The following ARHGAP22 variants were observed in gnomAD, a reference collection of about 807,000 sequenced individuals.
ARHGAP22 encodes rho GTPase-activating protein 22.
ARHGAP22 carries 48 observed loss-of-function variants against 59.1 expected under a neutral mutation model. The observed-to-expected ratio is 0.81, with a 90% confidence interval of 0.64 to 1.03. The LOEUF (loss-of-function observed/expected upper bound fraction) is 1.03, where lower values mean the gene tolerates loss of function less well. Ranked by LOEUF, ARHGAP22 falls within the 50% of genes least tolerant of loss-of-function variation. The probability of loss-of-function intolerance (pLI) is 0.00; values close to 1 mark genes in which losing one functional copy is unlikely to be tolerated. For missense variants in ARHGAP22, 1,015 were observed against 958.7 expected (o/e 1.06, Z -0.78); for synonymous variants, 445 against 416.4 (o/e 1.07, Z -0.84).
chr10:48,444,010 G>A (rs891291466), downstream of ARHGAP22: 6 of 152,054 alleles, frequency 3.9e-5, no homozygotes, highest in East Asian at 1.9e-4. Context: ...CAAGTTTTAC[G>A]ACACTGTTGA....
chr10:48,579,961 C>T (rs116276519), intron 2 of ARHGAP22, among the ~76,000 whole-genome samples: 1 of 152,170 alleles, frequency 6.6e-6, no homozygotes, highest in Non-Finnish European at 1.5e-5. Context: ...AATTGACCGA[C>T]AGTTGCCTTG....
chr10:48,554,577 A>G (rs938689134), intron 3 of ARHGAP22, among the ~76,000 whole-genome samples: 2 of 151,472 alleles, frequency 1.3e-5, no homozygotes, highest in African/African-American at 4.8e-5. Flanking sequence ...CTGTCCCTGA[A>G]GGCTGTCTCT....
chr10:48,552,054 GT>G (rs765520071), intron 3 of ARHGAP22, among the ~76,000 whole-genome samples: 4 of 152,238 alleles, frequency 2.6e-5, no homozygotes, highest in Non-Finnish European at 5.9e-5. Flanking sequence ...ACAGTATAAT[GT>G]TTCCTCATTT....
Position 48,450,922 on chromosome 10 carries a change from C to A in ARHGAP22, c.1207G>T (p.Val403Leu), listed in dbSNP as rs758236369. ...CCCGTGGGGGCTGTTCTGGAGAGCA[C>A]CGCCACGGCCGCCCCGTCCAGGGAA... ...TSSLDGAAVA[V>L]LSRTAPTGPG... is the part of the protein sequence containing the mutation. Residue 403 changes from valine (V) to leucine (L), a missense_variant, in exon 9 of 10, where the codon GTG becomes TTG. By Grantham distance (32) the Val-to-Leu change is conservative. Coordinates refer to ENST00000249601, the MANE Select transcript of ARHGAP22 (RefSeq NM_021226.4). The A allele has an allele frequency of 4.3e-5, 68 of 1,591,376 alleles. No individual in the cohort carries two copies. The highest frequency in any genetic ancestry group is 6.8e-6 in the Non-Finnish European group (8 of 1,170,128).
chr10:48,561,895 C>T (rs2135396187), intron 2 of ARHGAP22, among the ~76,000 whole-genome samples: 1 of 152,302 alleles, frequency 6.6e-6, no homozygotes, highest in South Asian at 2.1e-4. Context: ...TGTTAAACGA[C>T]AATCACTTTG....
chr10:48,545,322 T>C (rs999654750), intron 3 of ARHGAP22, among the ~76,000 whole-genome samples: 3 of 152,176 alleles, frequency 2.0e-5, no homozygotes, highest in Non-Finnish European at 4.4e-5. Context: ...GGGGACTCTT[T>C]CCAGGGAGCC....
chr10:48,583,247 G>A lies in ARHGAP22; in HGVS notation c.35-95C>T, dbSNP rs954278486. On this transcript the variant is annotated intron_variant, in intron 1 of 9. Transcript: ENST00000249601. The stretch of plus-strand genomic sequence containing the variant: ...GTGTCCCAGCTGCCTCGTGACTGAG[G>A]CATGGGAGCCCAGGCCAGCAGGATG... 5.6e-6 allele frequency: 8 copies of A among 1,433,608 alleles called. No individual in the cohort carries two copies. The Admixed American group carries it at 1.4e-4, about 25-fold the overall frequency. The allele number at this position is 1,433,608 out of a possible 1,614,324, so 88.8% of individuals were successfully genotyped here. A position where few individuals can be genotyped will look rare whatever the true frequency, so the allele number is the denominator to read the frequency against.
intron 1 of ARHGAP22, among the ~76,000 whole-genome samples, chr10:48,640,128 A>G (rs980612251): frequency 6.6e-6 from 1 of 152,186 alleles, no homozygotes; most frequent in African/African-American, 2.4e-5. Flanking sequence ...AGAATAAAGA[A>G]CAGGTGAATG....
chr10:48,601,180 C>T (rs527609808), intron 1 of ARHGAP22, among the ~76,000 whole-genome samples: 9 of 152,300 alleles, frequency 5.9e-5, no homozygotes, highest in Admixed American at 2.6e-4. Context: ...ATCACAGCAT[C>T]GCCAAGGGCA....
At chr10:48,603,007 AT>A (rs1226942313) in intron 1 of ARHGAP22, among the ~76,000 whole-genome samples, 2 of 152,236 alleles carry the variant, frequency 1.3e-5, no homozygotes, top group African/African-American at 4.8e-5. Flanking sequence ...TGTGGGAGGC[AT>A]TTCAGGGGAA....
At chr10:48,529,417 C>T (rs1449199930) in intron 3 of ARHGAP22, among the ~76,000 whole-genome samples, 1 of 152,134 alleles carries the variant, frequency 6.6e-6, no homozygotes. Flanking sequence ...TGACTCTGGA[C>T]CAATTCTGGG....
chr10:48,647,821 T>C (rs1439786158), intron 1 of ARHGAP22, among the ~76,000 whole-genome samples: 1 of 152,166 alleles, frequency 6.6e-6, no homozygotes, highest in Admixed American at 6.5e-5. Context: ...AGAAACACAA[T>C]GTGCATCCCT....
At position 48,450,673 on chromosome 10, in the gene ARHGAP22, C is replaced by G; in HGVS notation, c.1456G>C (p.Val486Leu). Residue 486 changes from valine to leucine, a missense_variant, in exon 9 of 10, where the codon GTG (valine) becomes CTG (leucine). Val to Leu is a conservative substitution (Grantham distance 32, BLOSUM62 1). Transcript: ENST00000249601. ...SGDRLKDSGS[V>L]QRLSTYDNVP... ...TTGTCGTAGGTGGAGAGTCTCTGCA[C>G]GGAGCCCGAGTCCTTGAGCCGGTCT... The G allele has an allele frequency of 6.4e-7, 1 of 1,550,662 alleles. No homozygotes were observed. The highest frequency in any genetic ancestry group is 8.7e-7 in the Non-Finnish European group (1 of 1,147,212).
chr10:48,551,586 G>C (rs927187210), intron 3 of ARHGAP22, among the ~76,000 whole-genome samples: 1 of 152,224 alleles, frequency 6.6e-6, no homozygotes, highest in African/African-American at 2.4e-5. Flanking sequence ...TGTCCCCGCA[G>C]CTTCAGGGAG....
the ARHGAP22 span, chr10:48,436,627 T>C: frequency 6.6e-6 from 1 of 152,242 alleles, no homozygotes; most frequent in Admixed American, 6.5e-5. Context: ...AAAATTTGCT[T>C]GGCATTTTAT....
At chr10:48,624,386 G>A (rs896704513) in intron 1 of ARHGAP22, 7 of 152,324 alleles carry the variant, frequency 4.6e-5, no homozygotes, top group African/African-American at 1.7e-4. Context: ...GGTGCCATGA[G>A]CCAAGATTGC....
intron 3 of ARHGAP22, among the ~76,000 whole-genome samples, chr10:48,540,301 A>G (rs979238104): frequency 6.6e-6 from 1 of 152,212 alleles, no homozygotes; most frequent in Non-Finnish European, 1.5e-5. Flanking sequence ...CAATGGCACA[A>G]TCTCGGCTCA....
intron 3 of ARHGAP22, among the ~76,000 whole-genome samples, chr10:48,482,449 T>C (rs2049418850): frequency 6.6e-6 from 1 of 152,198 alleles, no homozygotes; most frequent in South Asian, 2.1e-4. Flanking sequence ...GTTTCTTTCT[T>C]TCTTCTTCTA....
intron 4 of ARHGAP22, among the ~76,000 whole-genome samples, chr10:48,463,727 C>G (rs1320402500): frequency 6.6e-6 from 1 of 152,200 alleles, no homozygotes; most frequent in African/African-American, 2.4e-5. Flanking sequence ...TCTGTCACAG[C>G]CCTGCCTGCC....
Sources: gnomAD v4.1 joint callset for allele counts (sites outside exome capture counted in the v4.1 genomes callset) on GRCh38, gnomAD v4.1.1 for gene constraint, MANE v1.5 for transcripts, NCBI Gene and HGNC (gene_info 2026-07-23, HGNC 2026-07-21) for gene names.